Variants in OTUD7A observed in about 807,000 individuals in gnomAD.
The protein encoded by OTUD7A is OTU deubiquitinase 7A.
In OTUD7A, 12 loss-of-function variants were observed where a neutral mutation model predicts 65.7. That is an observed-to-expected ratio of 0.18 (90% CI 0.12 to 0.30). OTUD7A has a LOEUF of 0.30. OTUD7A is among the 10% of genes least tolerant of loss of function. The pLI is 1.00. For missense variants in OTUD7A, 1,148 were observed against 1,304.8 expected, an observed-to-expected ratio of 0.88 and a Z score of 1.85; for synonymous variants, 641 against 586.3, an observed-to-expected ratio of 1.09 and a Z score of -1.35.
intron 3 of OTUD7A, among the ~76,000 whole-genome samples, chr15:31,610,916 A>T (rs1338467922): frequency 6.6e-6 from 1 of 151,902 alleles, no homozygotes; most frequent in Non-Finnish European, 1.5e-5. Flanking sequence ...GGCGTGAGCC[A>T]CCATGCCCGG....
At chr15:31,780,101 C>T (rs1434514906) in intron 1 of OTUD7A, among the ~76,000 whole-genome samples, 2 of 152,194 alleles carry the variant, frequency 1.3e-5, no homozygotes, top group East Asian at 1.9e-4. Flanking sequence ...ACAGGCCAGC[C>T]GCGACAGCTG....
At chr15:31,833,299 A>G (rs1401832558) in intron 1 of OTUD7A, among the ~76,000 whole-genome samples, 1 of 152,186 alleles carries the variant, frequency 6.6e-6, no homozygotes, top group Admixed American at 6.5e-5. Flanking sequence ...GCCCAACTCA[A>G]GTGATCTCCC....
intron 1 of OTUD7A, among the ~76,000 whole-genome samples, chr15:31,809,420 G>A (rs913078638): frequency 6.6e-6 from 1 of 152,200 alleles, no homozygotes; most frequent in Non-Finnish European, 1.5e-5. Flanking sequence ...ATAGACTACT[G>A]TAAGACAATG....
At chr15:31,495,761 C>T (rs2041373751) in intron 10 of OTUD7A, among the ~76,000 whole-genome samples, 2 of 152,170 alleles carry the variant, frequency 1.3e-5, no homozygotes, top group Admixed American at 1.3e-4. Flanking sequence ...GGGGGCACTT[C>T]TGGTTTCCAA....
chr15:31,625,106 G>T (rs950928368), intron 3 of OTUD7A, among the ~76,000 whole-genome samples: 3 of 152,202 alleles, frequency 2.0e-5, no homozygotes, highest in Non-Finnish European at 2.9e-5. Flanking sequence ...TTACAAGGTT[G>T]CCCAGGCAGC....
At chr15:31,737,895 C>A (rs949542107) in intron 1 of OTUD7A, among the ~76,000 whole-genome samples, 2 of 152,152 alleles carry the variant, frequency 1.3e-5, no homozygotes, top group Non-Finnish European at 2.9e-5. Context: ...CATGGACAGT[C>A]ACTGGTTGTA....
Position 31,797,555 on chromosome 15 carries a change from T to C in OTUD7A, c.-100+72952A>G, listed in dbSNP as rs371255526. The stretch of plus-strand genomic sequence containing the variant: ...GGAGGCCAGGGCCTTGCCCTGTCCT[T>C]CTTCACTGAGGGCCCAGGCCCCACC... On this transcript the variant is annotated intron_variant, in intron 1 of 12. Coordinates refer to ENST00000307050, the MANE Select transcript of OTUD7A (RefSeq NM_001382637.1). 1.2e-4 allele frequency among the ~76,000 whole-genome samples: 19 copies of C among 152,336 alleles called. No individual in the cohort carries two copies. In the East Asian group the frequency reaches 1.9e-3, roughly 16 times the overall value.
At chr15:31,836,795 T>A (rs1373052675) in intron 1 of OTUD7A, among the ~76,000 whole-genome samples, 1 of 152,196 alleles carries the variant, frequency 6.6e-6, no homozygotes, top group East Asian at 1.9e-4. Flanking sequence ...ATCCAACATA[T>A]GTGCATGATA....
At chr15:31,749,175 T>A (rs1595743908) in intron 1 of OTUD7A, among the ~76,000 whole-genome samples, 1 of 151,476 alleles carries the variant, frequency 6.6e-6, no homozygotes, top group South Asian at 2.1e-4. Flanking sequence ...TTAGGAGATA[T>A]ACCTAACGTT....
chr15:31,808,098 A>AACACACACACAC (rs55911531), intron 1 of OTUD7A, among the ~76,000 whole-genome samples: 1,243 of 95,824 alleles, frequency 0.013, 3 homozygotes, highest in African/African-American at 0.018. Flanking sequence ...ACAAATGCCA[A>AACACACACACAC]ACACACACAC....
intron 1 of OTUD7A, among the ~76,000 whole-genome samples, chr15:31,866,287 G>A (rs1250100876): frequency 6.6e-6 from 1 of 152,212 alleles, no homozygotes; most frequent in Non-Finnish European, 1.5e-5. Flanking sequence ...TTGGCCAGCT[G>A]TAGCTGCTGC....
chr15:31,604,816 G>T (rs977546833), intron 3 of OTUD7A, among the ~76,000 whole-genome samples: 3 of 152,192 alleles, frequency 2.0e-5, no homozygotes, highest in African/African-American at 7.2e-5. Flanking sequence ...AGATGGGCAA[G>T]TGTGCTCAGG....
chr15:31,729,710 G>A (rs1893989377), intron 1 of OTUD7A, among the ~76,000 whole-genome samples: 1 of 152,146 alleles, frequency 6.6e-6, no homozygotes, highest in South Asian at 2.1e-4. Context: ...TGAGGTCAAT[G>A]CACCTTTCCA....
At position 31,547,807 on chromosome 15, in the gene OTUD7A, G is replaced by A. The variant is rs114179321; in HGVS notation, c.550+11162C>T. ...AAACTTAAGTCATCCTGATTTCCCC[G>A]AGATATTAGCTCTAATCATAAACAA... On this transcript the variant is annotated intron_variant, in intron 5 of 12. Coordinates refer to ENST00000307050, the MANE Select transcript of OTUD7A (RefSeq NM_001382637.1). Among the ~76,000 whole-genome samples the A allele has an allele frequency of 3.8e-3, 580 of 152,162 alleles. 1 individual carries two copies. The highest frequency in any genetic ancestry group is 0.013 in the African/African-American group (553 of 41,506).
chr15:31,677,934 G>A (rs1566971489), intron 1 of OTUD7A, among the ~76,000 whole-genome samples: 1 of 152,226 alleles, frequency 6.6e-6, no homozygotes, highest in Non-Finnish European at 1.5e-5. Context: ...GAACTTCCTA[G>A]ACTTGCTGAG....
At chr15:31,729,037 C>T (rs927166067) in intron 1 of OTUD7A, among the ~76,000 whole-genome samples, 2 of 152,160 alleles carry the variant, frequency 1.3e-5, no homozygotes, top group African/African-American at 4.8e-5. Context: ...GAGAGGGCGA[C>T]AGAAACCATA....
chr15:31,751,332 T>C (rs765901894), intron 1 of OTUD7A, among the ~76,000 whole-genome samples: 8 of 152,110 alleles, frequency 5.3e-5, no homozygotes, highest in Non-Finnish European at 1.0e-4. Flanking sequence ...ACATCACTAA[T>C]CATCAGAGAA....
At chr15:31,693,597 C>T (rs957013059) in intron 1 of OTUD7A, among the ~76,000 whole-genome samples, 3 of 152,150 alleles carry the variant, frequency 2.0e-5, no homozygotes, top group Admixed American at 6.5e-5. Flanking sequence ...CTCAAAGCCC[C>T]CAGGGCTGAC....
At chr15:31,771,757 C>A (rs891011908) in intron 1 of OTUD7A, among the ~76,000 whole-genome samples, 1 of 152,136 alleles carries the variant, frequency 6.6e-6, no homozygotes, top group Non-Finnish European at 1.5e-5. Context: ...CTTCAAAGCC[C>A]CTGCACCAGA....
Sources: allele counts gnomAD v4.1 joint callset (sites outside exome capture counted in the v4.1 genomes callset), GRCh38; gene constraint gnomAD v4.1.1; transcripts MANE v1.5; gene names NCBI Gene and HGNC (gene_info 2026-07-23, HGNC 2026-07-21).